ARB2A: variants seen among roughly 807,000 people sequenced by gnomAD.
ARB2A encodes the protein ARB2 cotranscriptional regulator A.
chr5:94,042,280 T>C, the ARB2A span, among the ~76,000 whole-genome samples: 1 of 151,352 alleles, frequency 6.6e-6, no homozygotes, highest in Non-Finnish European at 1.5e-5. Context: ...AGGTTTTTCT[T>C]AGAGCACTGA....
the ARB2A span, among the ~76,000 whole-genome samples, chr5:93,883,604 T>G: frequency 6.6e-6 from 1 of 151,572 alleles, no homozygotes; most frequent in Non-Finnish European, 1.5e-5. Flanking sequence ...AAAATCACAT[T>G]TGAAGGAAGT....
At chr5:94,032,994 A>T in the ARB2A span, among the ~76,000 whole-genome samples, 1 of 152,110 alleles carries the variant, frequency 6.6e-6, no homozygotes, top group African/African-American at 2.4e-5. Flanking sequence ...TGTTCTCATG[A>T]TAGTGAGTGA....
the ARB2A span, among the ~76,000 whole-genome samples, chr5:93,732,452 G>C: frequency 6.6e-6 from 1 of 151,856 alleles, no homozygotes; most frequent in African/African-American, 2.4e-5. Flanking sequence ...TCTAAATATG[G>C]GTTAACTACA....
the ARB2A span, among the ~76,000 whole-genome samples, chr5:93,802,348 T>C: frequency 6.6e-6 from 1 of 151,164 alleles, no homozygotes; most frequent in Non-Finnish European, 1.5e-5. Flanking sequence ...GAAATCACAA[T>C]GAAAAAGAAA....
At chr5:94,080,945 T>A in the ARB2A span, among the ~76,000 whole-genome samples, 1 of 152,096 alleles carries the variant, frequency 6.6e-6, no homozygotes, top group African/African-American at 2.4e-5. Context: ...GCAAAAAAAA[T>A]TGTGATGTTA....
the ARB2A span, among the ~76,000 whole-genome samples, chr5:93,657,471 C>T: frequency 6.6e-6 from 1 of 152,072 alleles, no homozygotes; most frequent in African/African-American, 2.4e-5. Context: ...ATAATTACAT[C>T]CCAATATAGA....
At chr5:94,028,919 A>G in the ARB2A span, among the ~76,000 whole-genome samples, 1 of 152,094 alleles carries the variant, frequency 6.6e-6, no homozygotes, top group African/African-American at 2.4e-5. Context: ...ATTGCCCCTA[A>G]AAGTATAGGT....
chr5:93,621,524 A>G, the ARB2A span, among the ~76,000 whole-genome samples: 1 of 152,200 alleles, frequency 6.6e-6, no homozygotes, highest in African/African-American at 2.4e-5. Context: ...CTCCGGGCCA[A>G]TGGAAGCGCT....
chr5:93,796,071 T>C, the ARB2A span, among the ~76,000 whole-genome samples: 7 of 152,276 alleles, frequency 4.6e-5, no homozygotes, highest in East Asian at 1.4e-3. Context: ...TGAAACCTGA[T>C]GGTGTTGGTA....
chr5:93,959,521 T>C, the ARB2A span, among the ~76,000 whole-genome samples: 14 of 152,032 alleles, frequency 9.2e-5, no homozygotes, highest in Admixed American at 9.2e-4. Flanking sequence ...GAAAATCATA[T>C]ATCAGCCAGG....
At chr5:93,732,107 T>C in the ARB2A span, among the ~76,000 whole-genome samples, 19 of 152,164 alleles carry the variant, frequency 1.2e-4, no homozygotes, top group African/African-American at 4.3e-4. Flanking sequence ...CGATAAACCA[T>C]GTAGCCTCTC....
the ARB2A span, among the ~76,000 whole-genome samples, chr5:93,921,416 T>C: frequency 6.6e-6 from 1 of 152,096 alleles, no homozygotes; most frequent in African/African-American, 2.4e-5. Context: ...AAAGAGTGGT[T>C]TGATAATTTT....
chr5:93,755,143 A>G, the ARB2A span, among the ~76,000 whole-genome samples: 1,581 of 152,244 alleles, frequency 0.01, 16 homozygotes, highest in Admixed American at 0.016. Flanking sequence ...CTTCTGATGA[A>G]CTCAAAATGT....
At chr5:93,874,295 C>G in the ARB2A span, among the ~76,000 whole-genome samples, 3 of 152,090 alleles carry the variant, frequency 2.0e-5, no homozygotes, top group Non-Finnish European at 4.4e-5. Flanking sequence ...TGAAAAAAAT[C>G]CATCACTGAG....
chr5:93,935,150 T>C, the ARB2A span, among the ~76,000 whole-genome samples: 15 of 152,218 alleles, frequency 9.9e-5, no homozygotes, highest in East Asian at 1.7e-3. Flanking sequence ...GCTTGAGTAT[T>C]GGGTGCACCA....
the ARB2A span, among the ~76,000 whole-genome samples, chr5:94,057,342 T>C: frequency 6.6e-6 from 1 of 152,120 alleles, no homozygotes. Context: ...TCATCAAACT[T>C]ATAGAGACAG....
chr5:93,621,350 C>A, the ARB2A span, among the ~76,000 whole-genome samples: 1 of 152,058 alleles, frequency 6.6e-6, no homozygotes, highest in African/African-American at 2.4e-5. Context: ...ACAACTAGGG[C>A]TGCGGGGTCA....
At chr5:93,973,066 A>C in the ARB2A span, among the ~76,000 whole-genome samples, 2 of 150,170 alleles carry the variant, frequency 1.3e-5, no homozygotes, top group Admixed American at 1.3e-4. Flanking sequence ...CTCCCACTTT[A>C]GCCACTGAAG....
chr5:94,023,414 T>G, the ARB2A span, among the ~76,000 whole-genome samples: 1 of 152,302 alleles, frequency 6.6e-6, no homozygotes, highest in Admixed American at 6.5e-5. Context: ...AGGTACTCAA[T>G]GAGGGAAATC....
Sources: allele counts gnomAD v4.1 joint callset (sites outside exome capture counted in the v4.1 genomes callset), GRCh38; gene constraint gnomAD v4.1.1; transcripts MANE v1.5; gene names NCBI Gene and HGNC (gene_info 2026-07-23, HGNC 2026-07-21).